ZSCAN5A: variants seen among roughly 807,000 people sequenced by gnomAD.
The protein encoded by ZSCAN5A is zinc finger and SCAN domain containing 5A.
In ZSCAN5A, 12 loss-of-function variants were observed where a neutral mutation model predicts 23.7. That is an observed-to-expected ratio of 0.51 (90% confidence interval 0.32 to 0.82). The LOEUF (loss-of-function observed/expected upper bound fraction) is 0.82. Among genes scored for constraint, ZSCAN5A ranks in the 40% least tolerant of loss-of-function variants. The pLI is 0.03. For synonymous variants in ZSCAN5A, 257 were observed against 239.9 expected, an observed-to-expected ratio of 1.07 and a Z score of -0.66; for missense variants, 597 against 617.9, an observed-to-expected ratio of 0.97 and a Z score of 0.36.
At chr19:56,237,978 C>CATAGAA (rs2035081028) in intron 2 of ZSCAN5A, among the ~76,000 whole-genome samples, 1 of 87,356 alleles carries the variant, frequency 1.1e-5, no homozygotes, top group African/African-American at 4.9e-5. Flanking sequence ...CACACGGACA[C>CATAGAA]ACACACATAC....
rs929236830 is a variant in ZSCAN5A at position 56,222,030 on chromosome 19, C to T, written c.1036G>A (p.Asp346Asn). ...GGCAGTGCCTTGGCTTCTTGGCCATCCGGGTGACTGACTGGGCTCGCAGGG... is the reference window on the plus strand; with the variant it reads ...GGCAGTGCCTTGGCTTCTTGGCCATTCGGGTGACTGACTGGGCTCGCAGGG... ...PGPASPVSHP[D>N]GQEAKALPPF... is the part of the protein sequence containing the mutation. Residue 346 changes from aspartate (D) to asparagine (N), a missense_variant, in exon 6 of 6, where the codon GAT (aspartate) becomes AAT (asparagine). Coordinates refer to ENST00000683990, the MANE Select transcript of ZSCAN5A (RefSeq NM_001322064.3). The T allele has an allele frequency of 1.9e-6, 3 of 1,614,144 alleles. No individual in the cohort carries two copies. The highest frequency in any genetic ancestry group is 2.5e-6 in the Non-Finnish European group (3 of 1,180,012).
intron 2 of ZSCAN5A, among the ~76,000 whole-genome samples, chr19:56,311,257 T>C (rs2041018289): frequency 6.6e-6 from 1 of 152,208 alleles, no homozygotes; most frequent in Admixed American, 6.5e-5. Context: ...TCATTCCAAC[T>C]TGACATATTT....
chr19:56,266,692 G>A (rs1472280402), intron 2 of ZSCAN5A: 1 of 151,980 alleles, frequency 6.6e-6, no homozygotes, highest in Non-Finnish European at 1.5e-5. Context: ...TGTTACCCAG[G>A]ATGGTCTCGA....
chr19:56,238,829 C>T (rs1332575672), intron 2 of ZSCAN5A, among the ~76,000 whole-genome samples: 1 of 149,686 alleles, frequency 6.7e-6, no homozygotes, highest in African/African-American at 2.4e-5. Flanking sequence ...CAATCCCTAC[C>T]AAAATGCCAA....
chr19:56,237,012 G>GTA (rs761427943), intron 2 of ZSCAN5A, among the ~76,000 whole-genome samples: 1 of 152,356 alleles, frequency 6.6e-6, no homozygotes. Context: ...TTCACGGGGT[G>GTA]TAGCCAATGG....
chr19:56,296,579 A>T (rs531555968), intron 2 of ZSCAN5A, among the ~76,000 whole-genome samples: 4 of 152,350 alleles, frequency 2.6e-5, no homozygotes, highest in African/African-American at 9.6e-5. Flanking sequence ...TAGGTGTTAG[A>T]GATGCAGCAG....
At chr19:56,325,582 C>G (rs767748365) in intron 2 of ZSCAN5A, among the ~76,000 whole-genome samples, 2 of 152,060 alleles carry the variant, frequency 1.3e-5, no homozygotes, top group Non-Finnish European at 1.5e-5. Flanking sequence ...AGAATGCATC[C>G]AGGTTTGTTG....
chr19:56,282,164 G>A (rs996066140), intron 2 of ZSCAN5A, among the ~76,000 whole-genome samples: 2 of 152,146 alleles, frequency 1.3e-5, no homozygotes, highest in Non-Finnish European at 2.9e-5. Context: ...GTCTCCGGTT[G>A]AGAAGTGGAG....
intron 2 of ZSCAN5A, among the ~76,000 whole-genome samples, chr19:56,277,512 C>T (rs992802674): frequency 2.0e-5 from 3 of 147,640 alleles, no homozygotes; most frequent in African/African-American, 7.5e-5. Context: ...ACACAATGGA[C>T]ATTAGTGATT....
At position 56,275,922 on chromosome 19, in the gene ZSCAN5A, T is replaced by C. The variant is rs186739514; in HGVS notation, c.-128+37361A>G. Among the ~76,000 whole-genome samples the C allele has an allele frequency of 3.8e-4, 58 of 152,298 alleles. 1 individual carries two copies. The East Asian group carries it at 5.8e-3, about 15-fold the overall frequency. On this transcript the variant is annotated intron_variant, in intron 2 of 5. Coordinates refer to ENST00000683990, the MANE Select transcript of ZSCAN5A (RefSeq NM_001322064.3). ...ACTTATCGATGGATGGATGGGCTGATAGATGGGCCCGAGTAGCTTTATTGA... is the reference window on the plus strand; with the variant it reads ...ACTTATCGATGGATGGATGGGCTGACAGATGGGCCCGAGTAGCTTTATTGA...
intron 2 of ZSCAN5A, among the ~76,000 whole-genome samples, chr19:56,311,293 G>A (rs1211416389): frequency 1.3e-5 from 2 of 151,754 alleles, no homozygotes; most frequent in African/African-American, 4.8e-5. Flanking sequence ...ATTAACAATC[G>A]GCCTTTATCA....
intron 2 of ZSCAN5A, among the ~76,000 whole-genome samples, chr19:56,327,059 TG>T (rs1477989207): frequency 7.0e-6 from 1 of 143,414 alleles, no homozygotes; most frequent in African/African-American, 2.8e-5. Context: ...AAAGCTACAG[TG>T]ATTTTTTTTT....
chr19:56,225,103 C>A lies in ZSCAN5A; in HGVS notation c.-57G>T. 6.6e-7 allele frequency: 1 copy of A among 1,522,928 alleles called. No individual in the cohort carries two copies. Among genetic ancestry groups the A allele is most frequent in the South Asian group, 1.3e-5 (1 of 76,690 alleles). 94.3% of individuals were successfully genotyped at this position (1,522,928 alleles called of 1,614,324 possible). A position where few individuals can be genotyped will look rare whatever the true frequency, so the allele number is the denominator to read the frequency against. On this transcript the variant is annotated 5_prime_UTR_variant, in exon 3 of 6. Transcript: ENST00000683990. ...AGAAAGCTCTTCCAGTAGCTGGTAT[C>A]TAATTGATACCTATCTACACAGGCT...
intron 4 of ZSCAN5A, 139 bp from the exon 5 acceptor site, chr19:56,222,880 A>AC: frequency 9.5e-7 from 1 of 1,057,794 alleles, no homozygotes; most frequent in East Asian, 2.5e-5. Context: ...CCCCTGGACC[A>AC]CCCCATCACC....
At chr19:56,354,799 G>A (rs945738785) in intron 2 of ZSCAN5A, among the ~76,000 whole-genome samples, 4 of 152,268 alleles carry the variant, frequency 2.6e-5, no homozygotes, top group East Asian at 1.9e-4. Flanking sequence ...GAATGTCAGC[G>A]TGGACCACTT....
intron 2 of ZSCAN5A, among the ~76,000 whole-genome samples, chr19:56,330,023 C>T (rs907679271): frequency 1.3e-5 from 2 of 152,196 alleles, no homozygotes; most frequent in African/African-American, 2.4e-5. Context: ...TCTACTGTTC[C>T]CATCTTTATG....
intron 2 of ZSCAN5A, among the ~76,000 whole-genome samples, chr19:56,353,593 G>A (rs946998270): frequency 5.9e-5 from 9 of 151,750 alleles, no homozygotes; most frequent in Non-Finnish European, 1.3e-4. Flanking sequence ...CTGGCTAACG[G>A]CGGTGAAACC....
At chr19:56,267,524 G>A (rs2037559518) in intron 2 of ZSCAN5A, among the ~76,000 whole-genome samples, 1 of 152,182 alleles carries the variant, frequency 6.6e-6, no homozygotes, top group Non-Finnish European at 1.5e-5. Flanking sequence ...CATTTCCTTA[G>A]TTGCATTAGC....
At chr19:56,248,948 T>C (rs994884766) in intron 2 of ZSCAN5A, among the ~76,000 whole-genome samples, 2 of 152,076 alleles carry the variant, frequency 1.3e-5, no homozygotes, top group Non-Finnish European at 2.9e-5. Flanking sequence ...GTACATCCTG[T>C]GGGTTTGGAC....
Sources: allele counts gnomAD v4.1 joint callset (sites outside exome capture counted in the v4.1 genomes callset), GRCh38; gene constraint gnomAD v4.1.1; transcripts MANE v1.5; gene names NCBI Gene and HGNC (gene_info 2026-07-23, HGNC 2026-07-21).